The following KMT2C variants were observed in gnomAD, a reference collection of about 807,000 sequenced individuals.
The protein encoded by KMT2C is lysine methyltransferase 2C, also known as histone-lysine N-methyltransferase 2C.
KMT2C carries 88 observed loss-of-function variants against 507.9 expected under a neutral mutation model. That is an observed-to-expected ratio of 0.17 (90% CI 0.15 to 0.21). KMT2C has a LOEUF of 0.21. Ranked by LOEUF, KMT2C falls within the 10% of genes least tolerant of loss-of-function variation. The pLI is 1.00. For synonymous variants in KMT2C, 2,049 were observed against 2,080.8 expected, an observed-to-expected ratio of 0.98 and a Z score of 0.42; for missense variants, 4,954 against 5,957.8, an observed-to-expected ratio of 0.83 and a Z score of 5.55.
intron 40 of KMT2C, among the ~76,000 whole-genome samples, chr7:152,169,680 G>T (rs2092875859): frequency 6.6e-6 from 1 of 152,056 alleles, no homozygotes; most frequent in African/African-American, 2.4e-5. Context: ...AAAAACTAAT[G>T]TCTCTAACAT....
chr7:152,364,578 C>CA (rs749514375), intron 1 of KMT2C, among the ~76,000 whole-genome samples: 3 of 145,012 alleles, frequency 2.1e-5, no homozygotes, highest in Non-Finnish European at 3.0e-5. Context: ...CACTGCACTC[C>CA]AGCCTGGGTG....
intron 18 of KMT2C, among the ~76,000 whole-genome samples, chr7:152,225,012 A>C (rs865812522): frequency 4.6e-4 from 70 of 152,316 alleles, no homozygotes; most frequent in African/African-American, 1.3e-3. Flanking sequence ...ATCAATAGAA[A>C]AAATACCAAA....
intron 1 of KMT2C, among the ~76,000 whole-genome samples, chr7:152,422,459 GA>G (rs59480101): frequency 6.7e-6 from 1 of 148,656 alleles, no homozygotes; most frequent in Non-Finnish European, 1.5e-5. Context: ...GTCTCAAAAA[GA>G]AAAAAAAAGA....
intron 7 of KMT2C, among the ~76,000 whole-genome samples, chr7:152,267,200 T>G (rs113206017): frequency 1.7e-5 from 2 of 114,366 alleles, no homozygotes; most frequent in African/African-American, 3.1e-5. Flanking sequence ...TCAACTCTCA[T>G]GCCATAAAAT....
intron 1 of KMT2C, among the ~76,000 whole-genome samples, chr7:152,374,482 A>G (rs970533089): frequency 1.3e-5 from 2 of 152,342 alleles, no homozygotes; most frequent in African/African-American, 4.8e-5. Context: ...GAGATATTCA[A>G]CTAAACAATT....
At chr7:152,384,112 G>A (rs1423373072) in intron 1 of KMT2C, among the ~76,000 whole-genome samples, 1 of 152,042 alleles carries the variant, frequency 6.6e-6, no homozygotes, top group Non-Finnish European at 1.5e-5. Context: ...GTAATGCCAA[G>A]AATGAGAAAT....
intron 1 of KMT2C, among the ~76,000 whole-genome samples, chr7:152,376,969 G>C (rs2097333191): frequency 6.6e-6 from 1 of 152,228 alleles, no homozygotes; most frequent in Admixed American, 6.5e-5. Flanking sequence ...AGAATCGCTT[G>C]AGCCCAGGAG....
At chr7:152,287,078 G>A (rs1271760106) in intron 6 of KMT2C, among the ~76,000 whole-genome samples, 2 of 152,192 alleles carry the variant, frequency 1.3e-5, no homozygotes, top group South Asian at 4.2e-4. Flanking sequence ...GGCCAACTGG[G>A]ACACAGGACA....
At position 152,248,236 on chromosome 7, in the gene KMT2C, G is replaced by A. The variant is rs1375797311; in HGVS notation, c.2198C>T (p.Ser733Phe). ...CATTTCAGAGTCCATCAATCCAGTA[G>A]AAAGTTCAGAATTTTCTTTCTGTTC... ...EKEQKENSEL[S>F]TGLMDSEMTP... The change falls in exon 14 of 59, where the codon TCT becomes TTT. Residue 733 changes from serine to phenylalanine, a missense_variant. Transcript: ENST00000262189. The A allele has an allele frequency of 6.2e-7, 1 of 1,613,978 alleles. No homozygotes were observed. The highest frequency in any genetic ancestry group is 2.2e-5 in the East Asian group (1 of 44,882).
chr7:152,435,537 G>A lies in KMT2C; in HGVS notation c.161+89C>T, dbSNP rs1192601970. The A allele has an allele frequency of 3.8e-5, 28 of 730,266 alleles. No homozygotes were observed. The East Asian group carries it at 2.5e-3, about 66-fold the overall frequency. 45.2% of individuals were successfully genotyped at this position (730,266 alleles called of 1,614,324 possible). Reference sequence around the variant, plus strand: ...CCCCACCCCGCCGGGGGGCGCCGGGGCGCGGAGGCCGCGGGGCGGGCGCCC... The same window carrying A: ...CCCCACCCCGCCGGGGGGCGCCGGGACGCGGAGGCCGCGGGGCGGGCGCCC... On this transcript the variant is annotated intron_variant, in intron 1 of 58. Transcript: ENST00000262189.
At chr7:152,252,306 TTTCTC>T in intron 10 of KMT2C, among the ~76,000 whole-genome samples, 1 of 152,320 alleles carries the variant, frequency 6.6e-6, no homozygotes, top group Non-Finnish European at 1.5e-5. Context: ...TTTAAGCTAT[TTTCTC>T]TTTACTTTTC....
intron 6 of KMT2C, among the ~76,000 whole-genome samples, chr7:152,299,450 A>G (rs1589023433): frequency 6.6e-6 from 1 of 151,982 alleles, no homozygotes; most frequent in African/African-American, 2.4e-5. Flanking sequence ...GCTCAGGAGT[A>G]TGAGACCAGC....
At chr7:152,230,581 T>A (rs2095077289) in intron 16 of KMT2C, among the ~76,000 whole-genome samples, 1 of 152,208 alleles carries the variant, frequency 6.6e-6, no homozygotes, top group Non-Finnish European at 1.5e-5. Flanking sequence ...TTAGTAAGAC[T>A]TGATTATGCA....
chr7:152,333,445 G>A (rs897117396), intron 2 of KMT2C, among the ~76,000 whole-genome samples: 1 of 152,096 alleles, frequency 6.6e-6, no homozygotes, highest in Non-Finnish European at 1.5e-5. Context: ...CCTCTTTGAA[G>A]AACTTATTAT....
At chr7:152,301,446 T>C (rs1354301708) in intron 6 of KMT2C, among the ~76,000 whole-genome samples, 1 of 151,936 alleles carries the variant, frequency 6.6e-6, no homozygotes, top group African/African-American at 2.4e-5. Context: ...GAGGCAGAGG[T>C]TGCAGTGAGC....
At chr7:152,180,190 G>A (rs1041981784) in intron 36 of KMT2C, 64 bp from the exon 37 acceptor site, 3 of 1,548,664 alleles carry the variant, frequency 1.9e-6, no homozygotes, top group African/African-American at 2.8e-5. Flanking sequence ...AAAGGTTACT[G>A]GCTTTTTATT....
intron 14 of KMT2C, among the ~76,000 whole-genome samples, chr7:152,246,926 G>A (rs2095482814): frequency 6.6e-6 from 1 of 152,048 alleles, no homozygotes; most frequent in Non-Finnish European, 1.5e-5. Flanking sequence ...TGATATAGAG[G>A]AGACTAATTT....
chr7:152,375,351 T>A (rs998458664), intron 1 of KMT2C, among the ~76,000 whole-genome samples: 5 of 151,776 alleles, frequency 3.3e-5, no homozygotes, highest in Admixed American at 6.6e-5. Context: ...GAGTTTTTTT[T>A]AAAATAGCAA....
At chr7:152,290,610 T>C (rs1219312628) in intron 6 of KMT2C, among the ~76,000 whole-genome samples, 1 of 151,742 alleles carries the variant, frequency 6.6e-6, no homozygotes, top group African/African-American at 2.4e-5. Flanking sequence ...GCCCGGCCCA[T>C]AAATTATAAT....
Sources: gnomAD v4.1 joint callset for allele counts (sites outside exome capture counted in the v4.1 genomes callset) on GRCh38, gnomAD v4.1.1 for gene constraint, MANE v1.5 for transcripts, NCBI Gene and HGNC (gene_info 2026-07-23, HGNC 2026-07-21) for gene names.